RFX7: variants seen among roughly 807,000 people sequenced by gnomAD.
RFX7 encodes the protein DNA-binding protein RFX7.
A neutral mutation model predicts 111.8 loss-of-function variants in RFX7; 26 were observed. The observed-to-expected ratio is 0.23, with a 90% CI of 0.17 to 0.32. The LOEUF (loss-of-function observed/expected upper bound fraction) is 0.32, where lower values mean the gene tolerates loss of function less well. Among genes scored for constraint, RFX7 ranks in the 10% least tolerant of loss-of-function variants. The pLI is 1.00. For synonymous variants in RFX7, 624 were observed against 624.4 expected (o/e 1.00, Z 0.01); for missense variants, 1,573 against 1,772.9 (o/e 0.89, Z 2.02).
chr15:56,152,431 A>C (rs1045691515), intron 3 of RFX7, among the ~76,000 whole-genome samples: 1 of 152,214 alleles, frequency 6.6e-6, no homozygotes, highest in African/African-American at 2.4e-5. Flanking sequence ...ATGGAAACTG[A>C]ACAACCTGCT....
intron 2 of RFX7, 32 bp from the exon 3 acceptor site, chr15:56,179,335 T>C: frequency 8.6e-7 from 1 of 1,157,046 alleles, no homozygotes. Flanking sequence ...GTTAGTAAAA[T>C]GAAAAGTTTA....
chr15:56,227,885 G>T (rs1255924163), intron 2 of RFX7, among the ~76,000 whole-genome samples: 1 of 152,078 alleles, frequency 6.6e-6, no homozygotes, highest in African/African-American at 2.4e-5. Flanking sequence ...TTTTGTGCAA[G>T]GCAGTTCTAC....
chr15:56,138,599 C>A (rs1364810796), intron 5 of RFX7, among the ~76,000 whole-genome samples: 5 of 151,896 alleles, frequency 3.3e-5, no homozygotes, highest in African/African-American at 1.2e-4. Context: ...TTAATTGGAG[C>A]ATTTAGCCCA....
chr15:56,095,024 T>C lies in RFX7; in HGVS notation c.2704A>G (p.Asn902Asp). Residue 902 changes from asparagine (N) to aspartate (D), a missense_variant, in exon 10 of 10, where the codon AAT (asparagine) becomes GAT (aspartate). Asn to Asp is a conservative substitution (Grantham distance 23). Coordinates refer to ENST00000559447, the MANE Select transcript of RFX7 (RefSeq NM_022841.7). ...VLMEQQMSMN[N>D]SHSYGNCLGM... Reference sequence around the variant, plus strand: ...AAACAGTTGCCGTAAGAATGAGAATTGTTCATTGACATTTGCTGCTCCATA... The same window carrying C: ...AAACAGTTGCCGTAAGAATGAGAATCGTTCATTGACATTTGCTGCTCCATA... The C allele has an allele frequency of 6.2e-6, 10 of 1,613,926 alleles. No homozygotes were observed. The highest frequency in any genetic ancestry group is 8.5e-6 in the Non-Finnish European group (10 of 1,179,848).
chr15:56,118,410 T>C lies in RFX7; in HGVS notation c.402-14740A>G, dbSNP rs187514044. Among the ~76,000 whole-genome samples, 213 of 152,278 alleles carry C rather than the reference T, an allele frequency of 1.4e-3. 1 individual carries two copies. The highest frequency in any genetic ancestry group is 0.01 in the Middle Eastern group (3 of 294). ...TCTCCATGAGTTCAATTATTTTAAT[T>C]TTTAGCTCCCACAAATAAGTGAGAA... On this transcript the variant is annotated intron_variant, in intron 5 of 9. Transcript: ENST00000559447.
chr15:56,158,204 T>C (rs573383087), intron 3 of RFX7, among the ~76,000 whole-genome samples: 91 of 152,310 alleles, frequency 6.0e-4, no homozygotes, highest in African/African-American at 6.3e-4. Context: ...GTATAGGATA[T>C]AGAATTAGAA....
At chr15:56,109,170 C>A (rs969927795) in intron 5 of RFX7, among the ~76,000 whole-genome samples, 47 of 152,318 alleles carry the variant, frequency 3.1e-4, no homozygotes, top group Admixed American at 2.9e-3. Context: ...CTCAGCCTGC[C>A]GAGTGCCTGC....
intron 3 of RFX7, among the ~76,000 whole-genome samples, chr15:56,178,137 C>CAA (rs755049971): frequency 6.2e-5 from 6 of 97,260 alleles, no homozygotes; most frequent in African/African-American, 1.9e-4. Flanking sequence ...TATTATAAGA[C>CAA]AAAAAAAAAA....
intron 3 of RFX7, among the ~76,000 whole-genome samples, chr15:56,169,266 A>G (rs1259877767): frequency 2.6e-5 from 4 of 152,218 alleles, no homozygotes; most frequent in African/African-American, 4.8e-5. Context: ...AACTTTCTCC[A>G]TCTTCCACCT....
rs80123294 is a variant in RFX7 at position 56,210,413 on chromosome 15, C to T, written c.162-31110G>A. Among the ~76,000 whole-genome samples the T allele has an allele frequency of 4.7e-4, 71 of 152,140 alleles. No individual in the cohort carries two copies. In the South Asian group the frequency reaches 5.0e-3, roughly 11 times the overall value. ...CTCTATCTGAAATGAACAGGTCCAA[C>T]TGGTATGAAATCAGGAAGGACAGAG... On this transcript the variant is annotated intron_variant, in intron 2 of 9. Transcript: ENST00000559447.
chr15:56,158,576 C>T (rs1309645647), intron 3 of RFX7, among the ~76,000 whole-genome samples: 2 of 152,160 alleles, frequency 1.3e-5, no homozygotes, highest in African/African-American at 2.4e-5. Flanking sequence ...CAAATCACTG[C>T]AGCCTCACAT....
At chr15:56,244,466 T>C (rs531336296), upstream of RFX7, among the ~76,000 whole-genome samples, 290 of 151,966 alleles carry the variant, frequency 1.9e-3, 5 homozygotes, top group Admixed American at 0.018. Flanking sequence ...GCGGCCTCCA[T>C]CCCCCTGCAA....
chr15:56,123,482 A>G (rs1050072280), intron 5 of RFX7, among the ~76,000 whole-genome samples: 1 of 152,124 alleles, frequency 6.6e-6, no homozygotes, highest in South Asian at 2.1e-4. Context: ...CCTCTCCTCA[A>G]GTGGAAGGAA....
intron 5 of RFX7, among the ~76,000 whole-genome samples, chr15:56,118,433 G>A (rs2042036041): frequency 6.6e-6 from 1 of 152,146 alleles, no homozygotes; most frequent in Non-Finnish European, 1.5e-5. Context: ...AAATAAGTGA[G>A]AACATATGAT....
rs568309697 is a variant in RFX7 at position 56,098,003 on chromosome 15, C to G, written c.1107+78G>C. The G allele has an allele frequency of 2.9e-6, 4 of 1,369,054 alleles. No individual in the cohort carries two copies. In the South Asian group the frequency reaches 5.1e-5, roughly 17 times the overall value. 84.8% of individuals were successfully genotyped at this position (1,369,054 alleles called of 1,614,324 possible). A position where few individuals can be genotyped will look rare whatever the true frequency, so the allele number is the denominator to read the frequency against. Reference sequence around the variant, plus strand: ...TTGTGGCTACTCTTATACCTGCCTTCTTTTCATCTGCCACTTTTAAGTAAA... The same window carrying G: ...TTGTGGCTACTCTTATACCTGCCTTGTTTTCATCTGCCACTTTTAAGTAAA... On this transcript the variant is annotated intron_variant, in intron 9 of 9. Transcript: ENST00000559447.
chr15:56,179,207 A>G (rs1034934296), intron 3 of RFX7, 63 bp downstream of exon 3: 6 of 751,584 alleles, frequency 8.0e-6, no homozygotes, highest in East Asian at 6.9e-5. Context: ...TGAAAACTGT[A>G]TATTTTATAT....
At chr15:56,232,841 T>C (rs1347085768) in intron 2 of RFX7, among the ~76,000 whole-genome samples, 1 of 152,196 alleles carries the variant, frequency 6.6e-6, no homozygotes. Context: ...AACAGGTTAA[T>C]CTCCATCAGA....
intron 5 of RFX7, among the ~76,000 whole-genome samples, chr15:56,141,958 T>C (rs754006182): frequency 1.1e-4 from 16 of 152,078 alleles, no homozygotes; most frequent in Non-Finnish European, 5.9e-5. Flanking sequence ...TGTGAATAGA[T>C]ACCAATAATC....
intron 3 of RFX7, among the ~76,000 whole-genome samples, chr15:56,158,152 G>A (rs757569937): frequency 3.3e-5 from 5 of 152,150 alleles, no homozygotes; most frequent in Non-Finnish European, 7.3e-5. Flanking sequence ...GCTGTTACTT[G>A]AAATTGATGT....
Sources: gnomAD v4.1 joint callset for allele counts (sites outside exome capture counted in the v4.1 genomes callset) on GRCh38, gnomAD v4.1.1 for gene constraint, MANE v1.5 for transcripts, NCBI Gene and HGNC (gene_info 2026-07-23, HGNC 2026-07-21) for gene names.